Variants in MAP4K3 observed in about 807,000 individuals in gnomAD.
MAP4K3 encodes the protein mitogen-activated protein kinase kinase kinase kinase 3.
A neutral mutation model predicts 143.5 loss-of-function variants in MAP4K3; 94 were observed. That is an observed-to-expected ratio of 0.65 (90% CI 0.55 to 0.78). The LOEUF (loss-of-function observed/expected upper bound fraction) is 0.78. Among genes scored for constraint, MAP4K3 ranks in the 30% least tolerant of loss-of-function variants. The pLI is 0.00. For synonymous variants in MAP4K3, 416 were observed against 347.2 expected, an observed-to-expected ratio of 1.20 and a Z score of -2.20; for missense variants, 1,077 against 1,068.1, an observed-to-expected ratio of 1.01 and a Z score of -0.12.
rs533506812 is a variant in MAP4K3, at chr2:39,292,322, G to A, written c.1271+451C>T. ...AACCCACAATGTGATTATATTTAGA[G>A]ATGGGTTTTTAGGAAGTAATTAAGC... is the stretch of plus-strand genomic sequence containing the variant. On this transcript the variant is annotated intron_variant, in intron 18 of 33. Transcript: ENST00000263881. 1.9e-3 allele frequency among the ~76,000 whole-genome samples: 296 copies of A among 152,310 alleles called. 2 individuals carry two copies. Among genetic ancestry groups the A allele is most frequent in the South Asian group, 3.7e-3 (18 of 4,826 alleles).
At chr2:39,265,471 ACT>A (rs1680729139) in intron 27 of MAP4K3, among the ~76,000 whole-genome samples, 165 bp from the exon 28 acceptor site, 1 of 152,238 alleles carries the variant, frequency 6.6e-6, no homozygotes, top group African/African-American at 2.4e-5. Context: ...TGAAAAAAAT[ACT>A]GTTTCAGGTA....
chr2:39,317,044 G>C (rs901360599), intron 12 of MAP4K3, among the ~76,000 whole-genome samples: 1 of 152,060 alleles, frequency 6.6e-6, no homozygotes, highest in African/African-American at 2.4e-5. Context: ...AGAGAGAATG[G>C]TACTGGTATA....
chr2:39,249,682 G>A lies in MAP4K3; in HGVS notation c.*936C>T, dbSNP rs1434472829. On this transcript the variant is annotated 3_prime_UTR_variant, in exon 34 of 34. Transcript: ENST00000263881. ...AGAAATTTGAACCACTTCACTCTAT[G>A]GAATGTTACAGTTCTTCAGTGTGAT... is the stretch of plus-strand genomic sequence containing the variant. 9 of 152,554 alleles carry A rather than the reference G, an allele frequency of 5.9e-5. No homozygotes were observed. The highest frequency in any genetic ancestry group is 2.2e-4 in the African/African-American group (9 of 41,428). The allele number at this position is 152,554 out of a possible 1,614,324, so 9.5% of individuals were successfully genotyped here. A position where few individuals can be genotyped will look rare whatever the true frequency, so the allele number is the denominator to read the frequency against.
intron 2 of MAP4K3, among the ~76,000 whole-genome samples, chr2:39,365,030 T>A (rs1395418949): frequency 6.6e-6 from 1 of 152,104 alleles, no homozygotes; most frequent in Non-Finnish European, 1.5e-5. Flanking sequence ...GAAAAATGAA[T>A]CCTCTATAGA....
At chr2:39,419,853 C>A (rs1369994580) in intron 1 of MAP4K3, among the ~76,000 whole-genome samples, 1 of 152,120 alleles carries the variant, frequency 6.6e-6, no homozygotes, top group Non-Finnish European at 1.5e-5. Flanking sequence ...CTGCTCAATG[C>A]TTTTTGAAGA....
intron 18 of MAP4K3, among the ~76,000 whole-genome samples, chr2:39,291,879 AAAAG>A (rs1323153285): frequency 4.6e-5 from 7 of 152,154 alleles, no homozygotes; most frequent in Admixed American, 2.6e-4. Flanking sequence ...ACCCTTTCTC[AAAAG>A]AAAGAAAGAA....
intron 6 of MAP4K3, among the ~76,000 whole-genome samples, chr2:39,335,215 A>G (rs1385400625): frequency 6.6e-6 from 1 of 152,168 alleles, no homozygotes; most frequent in Admixed American, 6.5e-5. Context: ...TACAATGGGA[A>G]AGCAATGGTG....
intron 2 of MAP4K3, among the ~76,000 whole-genome samples, chr2:39,366,160 C>CAT (rs1289342067): frequency 6.6e-6 from 1 of 151,136 alleles, no homozygotes; most frequent in Non-Finnish European, 1.5e-5. Context: ...CCAAGGTGGT[C>CAT]AGGGTACAGC....
intron 3 of MAP4K3, among the ~76,000 whole-genome samples, chr2:39,344,684 T>C (rs1665236460): frequency 1.3e-5 from 2 of 152,170 alleles, no homozygotes; most frequent in Non-Finnish European, 2.9e-5. Context: ...TAAAGTACTG[T>C]GGGAACCCAG....
intron 8 of MAP4K3, among the ~76,000 whole-genome samples, chr2:39,329,813 A>G (rs1468298377): frequency 6.6e-6 from 1 of 152,218 alleles, no homozygotes; most frequent in Non-Finnish European, 1.5e-5. Context: ...GTTCTAGAAC[A>G]TAACAACCAG....
At chr2:39,421,288 G>T (rs1161432123) in intron 1 of MAP4K3, among the ~76,000 whole-genome samples, 1 of 151,700 alleles carries the variant, frequency 6.6e-6, no homozygotes, top group South Asian at 2.1e-4. Flanking sequence ...TGACTACAAG[G>T]CATGGGTTCT....
chr2:39,319,819 C>T (rs1051497580), intron 12 of MAP4K3, among the ~76,000 whole-genome samples: 1 of 152,120 alleles, frequency 6.6e-6, no homozygotes, highest in Non-Finnish European at 1.5e-5. Flanking sequence ...TGATTGCATT[C>T]ATTTTTACAT....
At chr2:39,406,659 G>T (rs1667099708) in intron 1 of MAP4K3, among the ~76,000 whole-genome samples, 1 of 151,986 alleles carries the variant, frequency 6.6e-6, no homozygotes, top group Non-Finnish European at 1.5e-5. Context: ...TAGAAATCAA[G>T]ACTTTCCCAG....
chr2:39,414,494 C>G, intron 1 of MAP4K3, among the ~76,000 whole-genome samples: 1 of 151,892 alleles, frequency 6.6e-6, no homozygotes, highest in East Asian at 1.9e-4. Context: ...TGAGAAATGG[C>G]CCCCACATTC....
At chr2:39,376,205 T>C (rs1209600058) in intron 2 of MAP4K3, among the ~76,000 whole-genome samples, 1 of 152,194 alleles carries the variant, frequency 6.6e-6, no homozygotes, top group African/African-American at 2.4e-5. Flanking sequence ...GATTACACTT[T>C]TTGAGTATTT....
At chr2:39,337,158 A>C (rs1664992440) in intron 5 of MAP4K3, among the ~76,000 whole-genome samples, 191 bp from the exon 6 acceptor site, 1 of 152,044 alleles carries the variant, frequency 6.6e-6, no homozygotes, top group South Asian at 2.1e-4. Context: ...TTTCTAAGAA[A>C]ATTTTCAGTG....
intron 22 of MAP4K3, among the ~76,000 whole-genome samples, chr2:39,281,779 T>A (rs1007552000): frequency 6.0e-5 from 9 of 150,540 alleles, no homozygotes; most frequent in Non-Finnish European, 8.9e-5. Context: ...TAAATCAATA[T>A]TAAAATTATT....
At chr2:39,316,915 T>C (rs1019650186) in intron 12 of MAP4K3, among the ~76,000 whole-genome samples, 7 of 152,088 alleles carry the variant, frequency 4.6e-5, no homozygotes, top group Non-Finnish European at 1.0e-4. Flanking sequence ...AACTCTATTA[T>C]AAAATTCACG....
chr2:39,259,409 T>C (rs1680474572), intron 29 of MAP4K3, among the ~76,000 whole-genome samples: 1 of 152,118 alleles, frequency 6.6e-6, no homozygotes, highest in African/African-American at 2.4e-5. Flanking sequence ...TACTACATAC[T>C]CAATGATCAC....
Sources: allele counts gnomAD v4.1 joint callset (sites outside exome capture counted in the v4.1 genomes callset), GRCh38; gene constraint gnomAD v4.1.1; transcripts MANE v1.5; gene names NCBI Gene and HGNC (gene_info 2026-07-23, HGNC 2026-07-21).